The following TBC1D22A variants were observed in gnomAD, a reference collection of about 807,000 sequenced individuals.
The protein encoded by TBC1D22A is TBC1 domain family member 22A, also known as putative GTPase activator.
Under a neutral mutation model 60.2 loss-of-function variants are expected in TBC1D22A, and 38 were observed. That is an observed-to-expected ratio of 0.63 (90% confidence interval 0.49 to 0.83). The LOEUF (loss-of-function observed/expected upper bound fraction) is 0.83. Ranked by LOEUF, TBC1D22A falls within the 40% of genes least tolerant of loss-of-function variation. The probability of loss-of-function intolerance (pLI) is 0.00; values close to 1 mark genes in which losing one functional copy is unlikely to be tolerated. For missense variants in TBC1D22A, 628 were observed against 701.0 expected (o/e 0.90, Z 1.18); for synonymous variants, 302 against 281.7 (o/e 1.07, Z -0.72).
chr22:47,046,248 C>T (rs922052785), intron 11 of TBC1D22A, among the ~76,000 whole-genome samples: 4 of 152,298 alleles, frequency 2.6e-5, no homozygotes, highest in East Asian at 1.9e-4. Context: ...TGACAGGTCA[C>T]GGCTCGGTAG....
At chr22:46,825,403 G>C (rs534074639) in intron 4 of TBC1D22A, among the ~76,000 whole-genome samples, 1 of 152,276 alleles carries the variant, frequency 6.6e-6, no homozygotes, top group Non-Finnish European at 1.5e-5. Flanking sequence ...TTTACCAGGA[G>C]ATGCAGAGAA....
chr22:47,156,818 C>G (rs1233594389), intron 12 of TBC1D22A, among the ~76,000 whole-genome samples: 1 of 152,206 alleles, frequency 6.6e-6, no homozygotes, highest in Non-Finnish European at 1.5e-5. Flanking sequence ...TACCCGGGAG[C>G]CACTGCTGCC....
intron 11 of TBC1D22A, among the ~76,000 whole-genome samples, chr22:47,098,267 C>T (rs537774034): frequency 2.0e-5 from 3 of 152,172 alleles, no homozygotes; most frequent in African/African-American, 7.2e-5. Flanking sequence ...CTCCAGAACC[C>T]CCTGTCCCCA....
At chr22:46,784,121 CTGCAACCTCAATCTCCTGGGCTCA>C in intron 1 of TBC1D22A, among the ~76,000 whole-genome samples, 1 of 152,326 alleles carries the variant, frequency 6.6e-6, no homozygotes, top group Admixed American at 6.5e-5. Context: ...TCACAGCTCA[CTGCAACCTCAATCTCCTGGGCTCA>C]TGTGATCCAT....
chr22:46,810,901 A>C (rs543214663), intron 4 of TBC1D22A, among the ~76,000 whole-genome samples: 1 of 152,300 alleles, frequency 6.6e-6, no homozygotes, highest in South Asian at 2.1e-4. Flanking sequence ...TTTTGTCCTC[A>C]TGTGAGTTCT....
chr22:46,941,778 GGAATATATATAGAATATATA>G (rs1309729647), intron 8 of TBC1D22A, among the ~76,000 whole-genome samples: 4 of 126,202 alleles, frequency 3.2e-5, no homozygotes, highest in African/African-American at 5.8e-5. Flanking sequence ...ATATGTATAC[GGAATATATATAGAATATATA>G]GAATATATAT....
intron 1 of TBC1D22A, among the ~76,000 whole-genome samples, chr22:46,782,562 G>T (rs186259751): frequency 1.4e-3 from 212 of 152,228 alleles, no homozygotes; most frequent in African/African-American, 3.8e-3. Context: ...TCACAGTTAG[G>T]CAGTCATTAC....
intron 4 of TBC1D22A, among the ~76,000 whole-genome samples, chr22:46,865,319 T>C (rs2066998857): frequency 6.6e-6 from 1 of 152,242 alleles, no homozygotes; most frequent in South Asian, 2.1e-4. Flanking sequence ...TTTGTGCTGC[T>C]TCCTCTCTAG....
intron 12 of TBC1D22A, among the ~76,000 whole-genome samples, chr22:47,159,482 A>T (rs1364305374): frequency 6.6e-6 from 1 of 151,684 alleles, no homozygotes; most frequent in Admixed American, 6.6e-5. Flanking sequence ...CCATGTAAAC[A>T]CACAGACAAC....
intron 11 of TBC1D22A, among the ~76,000 whole-genome samples, chr22:47,099,138 C>G (rs1437217104): frequency 1.3e-5 from 2 of 152,196 alleles, no homozygotes; most frequent in African/African-American, 2.4e-5. Context: ...GAGCGCTTAC[C>G]CTGTGCTGTG....
At chr22:47,163,572 G>A (rs2068081281) in intron 12 of TBC1D22A, among the ~76,000 whole-genome samples, 1 of 152,238 alleles carries the variant, frequency 6.6e-6, no homozygotes, top group Non-Finnish European at 1.5e-5. Context: ...ATGGGAAAGG[G>A]ACAGCCATGG....
Position 46,911,284 on chromosome 22 carries a change from A to T in TBC1D22A, c.901-790A>T, listed in dbSNP as rs1244208206. Among the ~76,000 whole-genome samples, 3 of 152,096 alleles carry T rather than the reference A, an allele frequency of 2.0e-5. No individual in the cohort carries two copies. In the East Asian group the frequency reaches 5.8e-4, roughly 29 times the overall value. On this transcript the variant is annotated intron_variant, in intron 7 of 12. Coordinates refer to ENST00000337137, the MANE Select transcript of TBC1D22A (RefSeq NM_014346.5). ...CCTGCGTGCCTGAATGCCTGCTGAG[A>T]TTTCGTAAGTGATGGAAGATGTTTA... is the stretch of plus-strand genomic sequence containing the variant.
intron 11 of TBC1D22A, among the ~76,000 whole-genome samples, chr22:47,106,703 A>G (rs542439490): frequency 6.6e-6 from 1 of 152,310 alleles, no homozygotes; most frequent in East Asian, 1.9e-4. Flanking sequence ...ATGAGGAAAA[A>G]AAAAGGGTAA....
At chr22:46,894,459 G>A (rs777486138) in intron 6 of TBC1D22A, among the ~76,000 whole-genome samples, 5 of 152,230 alleles carry the variant, frequency 3.3e-5, no homozygotes, top group Non-Finnish European at 7.3e-5. Flanking sequence ...GTCAGAGGCT[G>A]AAAATCGATG....
intron 10 of TBC1D22A, among the ~76,000 whole-genome samples, chr22:47,031,389 G>A (rs1459104420): frequency 6.6e-6 from 1 of 152,260 alleles, no homozygotes; most frequent in East Asian, 1.9e-4. Flanking sequence ...ACCCTGGGAA[G>A]TGGAGGCCCT....
Position 47,009,488 on chromosome 22 carries a change from TTTCATCACCATC to T in TBC1D22A, c.1201+11780_1201+11791del, listed in dbSNP as rs879281480. 0.24 allele frequency among the ~76,000 whole-genome samples: 36,369 copies of T among 150,192 alleles called. 4,696 individuals are homozygous for T. The highest frequency in any genetic ancestry group is 0.29 in the East Asian group (1,489 of 5,068). On this transcript the variant is annotated intron_variant, in intron 10 of 12. Coordinates refer to ENST00000337137, the MANE Select transcript of TBC1D22A (RefSeq NM_014346.5). The surrounding 1 kb of genome is among the most constrained non-coding windows in gnomAD (Gnocchi z 5.8). ...ACCATCGTCATCACTATCACCATCATTTCATCACCATCATCACCACCATCATCTTCACCATCA... is the reference window on the plus strand; with the variant it reads ...ACCATCGTCATCACTATCACCATCATATCACCACCATCATCTTCACCATCA...
Position 46,934,668 on chromosome 22 carries a change from C to G in TBC1D22A, c.1015+22480C>G, listed in dbSNP as rs144522292. 8.9e-4 allele frequency among the ~76,000 whole-genome samples: 136 copies of G among 152,358 alleles called. No homozygotes were observed. In the East Asian group the frequency reaches 0.02, roughly 23 times the overall value. ...CCTGAGGGTGAGGCGCGTCCATGCT[C>G]TAGCCCGGGGACACGTCACCCACTT... On this transcript the variant is annotated intron_variant, in intron 8 of 12. Coordinates refer to ENST00000337137, the MANE Select transcript of TBC1D22A (RefSeq NM_014346.5).
chr22:47,063,047 G>A (rs1462812186), intron 11 of TBC1D22A, among the ~76,000 whole-genome samples: 1 of 152,160 alleles, frequency 6.6e-6, no homozygotes, highest in Non-Finnish European at 1.5e-5. Context: ...CCATCTGAAG[G>A]CAGGCACGGT....
At chr22:47,109,551 G>C (rs2065768834) in intron 11 of TBC1D22A, among the ~76,000 whole-genome samples, 1 of 152,126 alleles carries the variant, frequency 6.6e-6, no homozygotes, top group African/African-American at 2.4e-5. Flanking sequence ...CTCTGGGCTT[G>C]TCCAGGTGCC....
Sources: gnomAD v4.1 joint callset for allele counts (sites outside exome capture counted in the v4.1 genomes callset) on GRCh38, gnomAD v4.1.1 for gene constraint, Gnocchi (gnomAD v3.1) non-coding constraint, MANE v1.5 for transcripts, NCBI Gene and HGNC (gene_info 2026-07-23, HGNC 2026-07-21) for gene names.